Variants in PPL observed in about 807,000 individuals in gnomAD.
PPL encodes 190 kDa paraneoplastic pemphigus antigen.
Under a neutral mutation model 194.4 loss-of-function variants are expected in PPL, and 198 were observed. That is an observed-to-expected ratio of 1.02 (90% CI 0.91 to 1.15). The LOEUF (loss-of-function observed/expected upper bound fraction) is 1.15. Ranked by LOEUF, PPL falls within the 50% of genes most tolerant of loss-of-function variation. The pLI is 0.00. For synonymous variants in PPL, 1,220 were observed against 972.4 expected, an observed-to-expected ratio of 1.25 and a Z score of -4.74; for missense variants, 2,885 against 2,294.8, an observed-to-expected ratio of 1.26 and a Z score of -5.25.
At chr16:4,903,593 G>A (rs545055378) in intron 3 of PPL, among the ~76,000 whole-genome samples, 67 of 152,168 alleles carry the variant, frequency 4.4e-4, no homozygotes, top group African/African-American at 1.5e-3. Flanking sequence ...GGTGGTGCAT[G>A]CCTGTAATTC....
intron 2 of PPL, among the ~76,000 whole-genome samples, chr16:4,910,502 G>A (rs1249990963): frequency 6.6e-6 from 1 of 152,070 alleles, no homozygotes; most frequent in African/African-American, 2.4e-5. Flanking sequence ...ACTCCTCCAG[G>A]CAGGAGACGC....
chr16:4,910,240 A>C (rs2088791604), intron 2 of PPL, among the ~76,000 whole-genome samples: 1 of 152,240 alleles, frequency 6.6e-6, no homozygotes, highest in African/African-American at 2.4e-5. Context: ...TCTCCAAAAA[A>C]GGTGGAGAAA....
intron 16 of PPL, chr16:4,891,481 G>A (rs1212029949): frequency 9.9e-6 from 2 of 201,132 alleles, no homozygotes; most frequent in Non-Finnish European, 1.9e-5. Context: ...GTCTTGCAAC[G>A]TTGTCCAGGC....
chr16:4,884,344 G>T lies in PPL; in HGVS notation c.4311C>A (p.Ala1437=), dbSNP rs764049268. 2.5e-6 allele frequency: 4 copies of T among 1,612,484 alleles called. No homozygotes were observed. The South Asian group carries it at 4.4e-5, about 18-fold the overall frequency. The change falls in exon 22 of 22, where the codon GCC becomes GCA. Residue 1437 remains alanine, a synonymous_variant. Coordinates refer to ENST00000345988, the MANE Select transcript of PPL (RefSeq NM_002705.5). The surrounding 1 kb of genome is among the most constrained non-coding windows in gnomAD (Gnocchi z 5.7). Reference sequence around the variant, plus strand: ...TCTGCGTATGGGTTACCTTCTCACGGGCCTCAGCTTCTTCCTGCTCCAGCG... The same window carrying T: ...TCTGCGTATGGGTTACCTTCTCACGTGCCTCAGCTTCTTCCTGCTCCAGCG... The part of the protein sequence containing the change: ...LAALEQEEAE[A]REKVTHTQKV...
intron 18 of PPL, 72 bp from the exon 19 acceptor site, chr16:4,889,133 C>T: frequency 8.6e-7 from 1 of 1,161,776 alleles, no homozygotes; most frequent in South Asian, 1.2e-5. Flanking sequence ...GATGCAGTAG[C>T]TGGAAATCTC....
At position 4,883,223 on chromosome 16, in the gene PPL, C is replaced by T. The variant is rs1028545401; in HGVS notation, c.*161G>A. On this transcript the variant is annotated 3_prime_UTR_variant, in exon 22 of 22. Transcript: ENST00000345988. This position sits in a 1 kb window ranked among gnomAD's most constrained non-coding sequence, Gnocchi z 4.8. ...GAGAGTTGCCTGTCTTCAGCCAGTG[C>T]CTGTCTCATATGTGGGCGGGACTCT... The T allele has an allele frequency of 1.7e-5, 15 of 905,162 alleles. 1 individual carries two copies. The South Asian group carries it at 1.8e-4, about 11-fold the overall frequency. 56.1% of individuals were successfully genotyped at this position (905,162 alleles called of 1,614,324 possible). A position where few individuals can be genotyped will look rare whatever the true frequency, so the allele number is the denominator to read the frequency against.
rs759326642 is a variant in PPL, at chr16:4,937,054, T to C, written c.-9A>G. 4.2e-6 allele frequency: 6 copies of C among 1,445,380 alleles called. No individual in the cohort carries two copies. In the Admixed American group the frequency reaches 6.9e-5, roughly 17 times the overall value. 89.5% of individuals were successfully genotyped at this position (1,445,380 alleles called of 1,614,324 possible). A position where few individuals can be genotyped will look rare whatever the true frequency, so the allele number is the denominator to read the frequency against. On this transcript the variant is annotated 5_prime_UTR_variant, in exon 1 of 22. Transcript: ENST00000345988. ...CTGAAGAGCGAGTTCATGGTGGCGCTCGGGGTGCGGGCGGCGGCGGCTGGC... is the reference window on the plus strand; with the variant it reads ...CTGAAGAGCGAGTTCATGGTGGCGCCCGGGGTGCGGGCGGCGGCGGCTGGC...
intron 8 of PPL, among the ~76,000 whole-genome samples, chr16:4,898,005 C>T (rs939988866): frequency 1.3e-5 from 2 of 152,190 alleles, no homozygotes; most frequent in African/African-American, 4.8e-5. Context: ...GTGCAGTGCA[C>T]AAAGGGCAAG....
intron 1 of PPL, among the ~76,000 whole-genome samples, chr16:4,922,852 G>T (rs1218638053): frequency 6.6e-6 from 1 of 152,118 alleles, no homozygotes; most frequent in Non-Finnish European, 1.5e-5. Flanking sequence ...GGGGCACGTG[G>T]AATTCACAAC....
intron 1 of PPL, among the ~76,000 whole-genome samples, chr16:4,915,249 A>T (rs1450309853): frequency 2.6e-5 from 4 of 152,220 alleles, no homozygotes; most frequent in Admixed American, 2.6e-4. Context: ...TGGACTCCTG[A>T]TGGGACAAAG....
intron 2 of PPL, among the ~76,000 whole-genome samples, chr16:4,905,107 C>G (rs2088656484): frequency 1.3e-5 from 2 of 152,134 alleles, no homozygotes; most frequent in South Asian, 4.1e-4. Flanking sequence ...AGTGACATGT[C>G]ACTGAGGGGA....
intron 11 of PPL, 64 bp downstream of exon 11, chr16:4,895,197 G>A: frequency 6.6e-7 from 1 of 1,504,002 alleles, no homozygotes; most frequent in Non-Finnish European, 8.9e-7. Flanking sequence ...CTGAGGCCCG[G>A]GATCCAACCA....
At chr16:4,926,344 C>T (rs896397780) in intron 1 of PPL, among the ~76,000 whole-genome samples, 13 of 152,202 alleles carry the variant, frequency 8.5e-5, no homozygotes, top group African/African-American at 3.1e-4. Flanking sequence ...CATCTCTCTG[C>T]CCCTTACAGG....
intron 1 of PPL, among the ~76,000 whole-genome samples, chr16:4,917,438 C>T (rs4786559): frequency 0.72 from 109,440 of 151,974 alleles, 40,480 homozygotes; most frequent in Non-Finnish European, 0.8. Context: ...TGATAAGAAA[C>T]GTCCAGAATG....
chr16:4,934,655 C>A (rs1291211186), intron 1 of PPL, among the ~76,000 whole-genome samples: 2 of 152,070 alleles, frequency 1.3e-5, no homozygotes, highest in Non-Finnish European at 2.9e-5. Context: ...ATGGAGCGGG[C>A]CCCTGGAAAA....
chr16:4,928,139 C>A (rs553085780), intron 1 of PPL, among the ~76,000 whole-genome samples: 2 of 152,332 alleles, frequency 1.3e-5, no homozygotes, highest in South Asian at 4.1e-4. Context: ...AGAAAGAGCA[C>A]CAGCCTCCTT....
chr16:4,884,398 C>T lies in PPL; in HGVS notation c.4257G>A (p.Glu1419=), dbSNP rs1286212038. Residue 1419 remains glutamate (E), a synonymous_variant, in exon 22 of 22, where the codon GAG becomes GAA. Transcript: ENST00000345988. This position sits in a 1 kb window ranked among gnomAD's most constrained non-coding sequence, Gnocchi z 5.7. ...ERQARREAER[E]VQRLQQRLAA... is the part of the protein sequence containing the mutation. ...CCAGCCGCTGCTGCAACCGCTGTAC[C>T]TCGCGCTCGGCCTCCCTGCGGGCCT... is the stretch of plus-strand genomic sequence containing the variant. The T allele has an allele frequency of 1.9e-6, 3 of 1,609,114 alleles. No homozygotes were observed. The highest frequency in any genetic ancestry group is 2.7e-5 in the African/African-American group (2 of 74,728).
At position 4,887,356 on chromosome 16, in the gene PPL, C is replaced by G. The variant is rs1161507200; in HGVS notation, c.2515-129G>C. ...TGGGGGTAGAGGCATAGCTCTTGCC[C>G]ACTCCTGCCTGGAGTTAGACTGTAG... is the stretch of plus-strand genomic sequence containing the variant. On this transcript the variant is annotated intron_variant, in intron 20 of 21. Transcript: ENST00000345988. The G allele has an allele frequency of 4.3e-6, 3 of 701,208 alleles. No individual in the cohort carries two copies. In the African/African-American group the frequency reaches 5.2e-5, roughly 12 times the overall value. 43.4% of individuals were successfully genotyped at this position (701,208 alleles called of 1,614,324 possible). A position where few individuals can be genotyped will look rare whatever the true frequency, so the allele number is the denominator to read the frequency against.
At position 4,890,768 on chromosome 16, in the gene PPL, C is replaced by G; in HGVS notation, c.2122G>C (p.Gly708Arg). ...ERQEAEVHKL[G>R]QRFNNLRQQV... ...TGGCGCAGGTTGTTGAAACGCTGGC[C>G]CAGCTTGTGCACCTCGGCCTCCTGG... The change falls in exon 17 of 22, where the codon GGC becomes CGC. Residue 708 changes from glycine (G) to arginine (R), a missense_variant. Coordinates refer to ENST00000345988, the MANE Select transcript of PPL (RefSeq NM_002705.5). The G allele has an allele frequency of 6.2e-7, 1 of 1,609,810 alleles. No individual in the cohort carries two copies. The highest frequency in any genetic ancestry group is 8.5e-7 in the Non-Finnish European group (1 of 1,178,546).
Sources: gnomAD v4.1 joint callset for allele counts (sites outside exome capture counted in the v4.1 genomes callset) on GRCh38, gnomAD v4.1.1 for gene constraint, Gnocchi (gnomAD v3.1) non-coding constraint, MANE v1.5 for transcripts, NCBI Gene and HGNC (gene_info 2026-07-23, HGNC 2026-07-21) for gene names.